The following ZNF273 variants were observed in gnomAD, a reference collection of about 807,000 sequenced individuals.
The protein encoded by ZNF273 is zinc finger protein 273.
ZNF273 carries 11 observed loss-of-function variants against 14.9 expected under a neutral mutation model. The ratio of observed to expected loss-of-function variants is 0.74; its 90% CI spans 0.46 to 1.22. The LOEUF is 1.22. ZNF273 is among the 50% of genes most tolerant of loss of function. The pLI is 0.00. For synonymous variants in ZNF273, 199 were observed against 223.9 expected (o/e 0.89, Z 0.99); for missense variants, 577 against 660.6 (o/e 0.87, Z 1.39).
chr7:64,913,370 T>C (rs1238939217), intron 1 of ZNF273, among the ~76,000 whole-genome samples: 1 of 152,264 alleles, frequency 6.6e-6, no homozygotes, highest in Admixed American at 6.5e-5. Context: ...TATTGAATGT[T>C]TGGTACTAGC....
intron 3 of ZNF273, among the ~76,000 whole-genome samples, chr7:64,918,659 C>CAAAAAAAAAAA (rs1171857179): frequency 1.2e-5 from 1 of 80,054 alleles, no homozygotes; most frequent in Non-Finnish European, 2.2e-5. Flanking sequence ...GACTCCATCT[C>CAAAAAAAAAAA]AAAAAAAAAA....
Position 64,930,257 on chromosome 7 carries a change from G to A in ZNF273, c.*1219G>A, listed in dbSNP as rs941559136. 1.3e-4 allele frequency: 20 copies of A among 151,874 alleles called. No homozygotes were observed. The highest frequency in any genetic ancestry group is 1.5e-4 in the Non-Finnish European group (10 of 67,990). The allele number at this position is 151,874 out of a possible 1,614,324, so 9.4% of individuals were successfully genotyped here. ...ATGAGATTTTTTTTTTTATTAGGTG[G>A]GCATTATTTATGACCTTTTCTGTGG... On this transcript the variant is annotated 3_prime_UTR_variant, in exon 4 of 4. Transcript: ENST00000476120.
At chr7:64,914,769 T>G (rs1793834426) in intron 1 of ZNF273, among the ~76,000 whole-genome samples, 1 of 152,188 alleles carries the variant, frequency 6.6e-6, no homozygotes, top group Non-Finnish European at 1.5e-5. Flanking sequence ...TTTTGGAGTT[T>G]TTCATGTCAT....
intron 1 of ZNF273, among the ~76,000 whole-genome samples, chr7:64,908,519 A>G (rs1047094037): frequency 2.0e-5 from 3 of 152,164 alleles, no homozygotes; most frequent in African/African-American, 7.2e-5. Flanking sequence ...GTGCAGTGGC[A>G]TGATCTCACT....
upstream of ZNF273, among the ~76,000 whole-genome samples, chr7:64,902,447 A>T (rs1344869580): frequency 6.6e-6 from 1 of 151,992 alleles, no homozygotes; most frequent in East Asian, 1.9e-4. Context: ...GTTTATTCTG[A>T]GGCCAGGCGC....
downstream of ZNF273, among the ~76,000 whole-genome samples, chr7:64,933,118 C>A (rs937322197): frequency 6.6e-6 from 1 of 152,044 alleles, no homozygotes; most frequent in Non-Finnish European, 1.5e-5. Flanking sequence ...ATTACAGGCA[C>A]CTGCCACCAC....
intron 1 of ZNF273, among the ~76,000 whole-genome samples, chr7:64,885,348 A>G (rs1791515198): frequency 6.6e-6 from 1 of 152,114 alleles, no homozygotes; most frequent in African/African-American, 2.4e-5. Flanking sequence ...GACAGAGATA[A>G]ATGGATCAGA....
intron 3 of ZNF273, among the ~76,000 whole-genome samples, chr7:64,920,401 C>T (rs776614616): frequency 1.8e-4 from 22 of 123,746 alleles, no homozygotes; most frequent in Non-Finnish European, 3.2e-4. Context: ...TAGGCAGAAC[C>T]GGCCATGAAC....
chr7:64,909,496 T>A (rs1360724296), intron 1 of ZNF273, among the ~76,000 whole-genome samples: 6 of 152,162 alleles, frequency 3.9e-5, no homozygotes, highest in African/African-American at 1.4e-4. Flanking sequence ...CCCAAAGTGC[T>A]GGGATTATAG....
At chr7:64,919,353 A>AT (rs1030824147) in intron 3 of ZNF273, among the ~76,000 whole-genome samples, 7 of 152,068 alleles carry the variant, frequency 4.6e-5, no homozygotes, top group Non-Finnish European at 8.8e-5. Flanking sequence ...CATTGTAAAG[A>AT]TTTTTTAGGC....
chr7:64,913,422 T>C (rs892429173), intron 1 of ZNF273, among the ~76,000 whole-genome samples: 1 of 152,234 alleles, frequency 6.6e-6, no homozygotes, highest in Non-Finnish European at 1.5e-5. Flanking sequence ...ATGTGTTATT[T>C]CCAGCGAAGC....
rs1584013990 is a variant in ZNF273 at position 64,927,639 on chromosome 7, T to G, written c.326-15T>G. On this transcript the variant is annotated splice_polypyrimidine_tract_variant and intron_variant, in intron 3 of 3. Coordinates refer to ENST00000476120, the MANE Select transcript of ZNF273 (RefSeq NM_021148.3). Reference sequence around the variant, plus strand: ...GTCTAGTAAGTGGGGTAATTGTTACTTTTATTTCTTTCAGTTGTGTGTTCT... The same window carrying G: ...GTCTAGTAAGTGGGGTAATTGTTACGTTTATTTCTTTCAGTTGTGTGTTCT... 1.9e-6 allele frequency: 3 copies of G among 1,541,920 alleles called. No homozygotes were observed. The East Asian group carries it at 6.7e-5, about 35-fold the overall frequency.
downstream of ZNF273, chr7:64,889,047 C>A: frequency 2.0e-6 from 2 of 985,980 alleles, no homozygotes; most frequent in Non-Finnish European, 1.2e-6. This position sits in a 1 kb window ranked among gnomAD's most constrained non-coding sequence, Gnocchi z 4.2. Context: ...AAGCAGGAAG[C>A]GAAGAACGTT....
Position 64,903,412 on chromosome 7 carries a change from T to A in ZNF273, c.95T>A (p.Leu32Gln). ...TAKTPGLPGSLEMGPLTFRDV... is the reference protein window; with the variant it reads ...TAKTPGLPGSQEMGPLTFRDV... Reference sequence around the variant, plus strand: ...AAGACGCCAGGACTCCCTGGAAGCCTAGAAATGGTGAGAGTGCCGGGTCCC... The same window carrying A: ...AAGACGCCAGGACTCCCTGGAAGCCAAGAAATGGTGAGAGTGCCGGGTCCC... Residue 32 changes from leucine to glutamine, a missense_variant, in exon 1 of 4, where the codon CTA (leucine) becomes CAA (glutamine). Leu to Gln is a moderately radical substitution (Grantham distance 113). Transcript: ENST00000476120. 2.5e-6 allele frequency: 4 copies of A among 1,612,458 alleles called. No homozygotes were observed. The highest frequency in any genetic ancestry group is 3.4e-6 in the Non-Finnish European group (4 of 1,178,788).
At chr7:64,896,420 T>C (rs1177657427) in intron 3 of ZNF273, among the ~76,000 whole-genome samples, 2 of 152,174 alleles carry the variant, frequency 1.3e-5, no homozygotes, top group Non-Finnish European at 1.5e-5. Flanking sequence ...CAAATCTATA[T>C]GCAAAAATTA....
In ZNF273 at chr7:64,905,420, CTTT is replaced by C. The variant is rs34374261; in HGVS notation, c.102+2021_102+2023del. On this transcript the variant is annotated intron_variant, in intron 1 of 3. Transcript: ENST00000476120. ...CGTGAGGCACCCCACGCTGGCCACACTTTTTTTTTTTTTTTTTTTTTTGAAAAG... is the reference window on the plus strand; with the variant it reads ...CGTGAGGCACCCCACGCTGGCCACACTTTTTTTTTTTTTTTTTTTGAAAAG... Among the ~76,000 whole-genome samples, 193 of 84,240 alleles carry C rather than the reference CTTT, an allele frequency of 2.3e-3. 2 individuals are homozygous for C. The highest frequency in any genetic ancestry group is 8.2e-3 in the Middle Eastern group (1 of 122). 55.3% of individuals were successfully genotyped at this position (84,240 alleles called of 152,430 possible).
At chr7:64,918,659 C>CAAAAAAAAA (rs1171857179) in intron 3 of ZNF273, among the ~76,000 whole-genome samples, 1 of 80,054 alleles carries the variant, frequency 1.2e-5, no homozygotes, top group African/African-American at 5.0e-5. Context: ...GACTCCATCT[C>CAAAAAAAAA]AAAAAAAAAA....
chr7:64,891,805 G>T (rs1478315850), downstream of ZNF273, among the ~76,000 whole-genome samples: 2 of 152,194 alleles, frequency 1.3e-5, no homozygotes, highest in Non-Finnish European at 2.9e-5. Flanking sequence ...GGGAGAGGAG[G>T]TGCTGAAATC....
intron 3 of ZNF273, among the ~76,000 whole-genome samples, chr7:64,896,914 G>A (rs1490413284): frequency 6.6e-6 from 1 of 152,184 alleles, no homozygotes; most frequent in Admixed American, 6.5e-5. Flanking sequence ...TAATTAACAG[G>A]TGAATAAATA....
Sources: allele counts gnomAD v4.1 joint callset (sites outside exome capture counted in the v4.1 genomes callset), GRCh38; gene constraint gnomAD v4.1.1; non-coding constraint Gnocchi (gnomAD v3.1); transcripts MANE v1.5; gene names NCBI Gene and HGNC (gene_info 2026-07-23, HGNC 2026-07-21).